The following CTBP2 variants were observed in gnomAD, a reference collection of about 807,000 sequenced individuals.
CTBP2 encodes the protein C-terminal-binding protein 2.
CTBP2 carries 30 observed loss-of-function variants against 80.3 expected under a neutral mutation model. That is an observed-to-expected ratio of 0.37 (90% CI 0.28 to 0.51). CTBP2 has a LOEUF of 0.51. CTBP2 is among the 20% of genes least tolerant of loss of function. The probability of loss-of-function intolerance (pLI) is 0.93; values close to 1 mark genes in which losing one functional copy is unlikely to be tolerated. For synonymous variants in CTBP2, 594 were observed against 587.4 expected (o/e 1.01, Z -0.16); for missense variants, 1,212 against 1,375.3 (o/e 0.88, Z 1.88).
chr10:125,098,681 AG>A (rs1564913782), intron 2 of CTBP2, among the ~76,000 whole-genome samples: 21 of 134,688 alleles, frequency 1.6e-4, no homozygotes, highest in African/African-American at 5.6e-4. Flanking sequence ...AGAGAGAGAG[AG>A]AGAGAGAGAG....
chr10:125,088,544 T>C (rs1487920393), intron 2 of CTBP2, among the ~76,000 whole-genome samples: 3 of 152,166 alleles, frequency 2.0e-5, no homozygotes, highest in Non-Finnish European at 4.4e-5. Flanking sequence ...ATGCCATTTA[T>C]CAATCAATGC....
chr10:125,078,989 A>AC (rs1846739054), intron 2 of CTBP2, among the ~76,000 whole-genome samples: 1 of 151,014 alleles, frequency 6.6e-6, no homozygotes, highest in Non-Finnish European at 1.5e-5. Context: ...AAATACAAAA[A>AC]AAAAAAAACG....
At chr10:125,086,667 G>A (rs10794197) in intron 2 of CTBP2, among the ~76,000 whole-genome samples, 31,133 of 149,230 alleles carry the variant, frequency 0.21, 3,453 homozygotes, top group South Asian at 0.3. Context: ...TCCACATAGC[G>A]AGAGAGTACC....
At position 125,002,945 on chromosome 10, in the gene CTBP2, C is replaced by T; in HGVS notation, c.1978+15G>A. The T allele has an allele frequency of 6.2e-7, 1 of 1,611,672 alleles. No homozygotes were observed. Among genetic ancestry groups the T allele is most frequent in the Non-Finnish European group, 8.5e-7 (1 of 1,179,764 alleles). On this transcript the variant is annotated intron_variant, in intron 3 of 8. Transcript: ENST00000309035. ...TCCGGACAACTCCAGGCAGCCAGCGCTGCCTCGCACTCACCGAGCTCGCCG... is the reference window on the plus strand; with the variant it reads ...TCCGGACAACTCCAGGCAGCCAGCGTTGCCTCGCACTCACCGAGCTCGCCG...
intron 1 of CTBP2, among the ~76,000 whole-genome samples, chr10:125,149,903 C>T (rs1324174014): frequency 6.6e-6 from 1 of 152,226 alleles, no homozygotes; most frequent in African/African-American, 2.4e-5. Context: ...GAAAAGAAGG[C>T]TGTTCCCTTT....
At chr10:125,041,993 G>A (rs1959971468) in intron 2 of CTBP2, among the ~76,000 whole-genome samples, 1 of 151,390 alleles carries the variant, frequency 6.6e-6, no homozygotes, top group South Asian at 2.1e-4. Flanking sequence ...GGGGAGGGGG[G>A]TCACTCTGTT....
At chr10:125,132,351 C>T (rs924434720) in intron 1 of CTBP2, among the ~76,000 whole-genome samples, 2 of 152,016 alleles carry the variant, frequency 1.3e-5, no homozygotes, top group African/African-American at 4.8e-5. Context: ...TATGACACAA[C>T]TTGAGTCCAG....
intron 1 of CTBP2, among the ~76,000 whole-genome samples, chr10:125,151,283 C>T (rs533414858): frequency 1.1e-4 from 16 of 152,282 alleles, no homozygotes; most frequent in Middle Eastern, 3.4e-3. Flanking sequence ...CGGACAACCT[C>T]TAGTCACATG....
At chr10:125,115,313 C>T (rs991284542) in intron 1 of CTBP2, among the ~76,000 whole-genome samples, 4 of 152,266 alleles carry the variant, frequency 2.6e-5, no homozygotes, top group Middle Eastern at 3.4e-3. Flanking sequence ...CAGGAAGCAC[C>T]GTTCACGTTT....
chr10:125,146,780 T>G (rs1478055053), intron 1 of CTBP2, among the ~76,000 whole-genome samples: 2 of 151,852 alleles, frequency 1.3e-5, no homozygotes, highest in Admixed American at 1.3e-4. Flanking sequence ...ACTGGCTGGG[T>G]GGAGAAAAGA....
rs538320614 is a variant in CTBP2, at chr10:125,070,193, T to C, written c.-101-31038A>G. On this transcript the variant is annotated intron_variant, in intron 2 of 10. Transcript: ENST00000337195. ...GGTGAAACCCGGTCTCTACTAAAAA[T>C]ACAAAAAATTAGCCAGGTGTGGTGG... is the stretch of plus-strand genomic sequence containing the variant. Among the ~76,000 whole-genome samples, 18 of 151,932 alleles carry C rather than the reference T, an allele frequency of 1.2e-4. No individual in the cohort carries two copies. In the East Asian group the frequency reaches 3.1e-3, roughly 26 times the overall value.
At chr10:124,995,617 C>G (rs559645255) in intron 4 of CTBP2, among the ~76,000 whole-genome samples, 74 of 152,316 alleles carry the variant, frequency 4.9e-4, no homozygotes, top group Middle Eastern at 3.4e-3. Flanking sequence ...GCAGCTCCAT[C>G]TAACCGATGG....
rs1394585264 is a variant in CTBP2, at chr10:125,026,985, G to A, written c.775C>T (p.Pro259Ser). Residue 259 changes from proline (P) to serine (S), a missense_variant, in exon 1 of 9, where the codon CCT becomes TCT. Physicochemically the swap from Pro to Ser is moderately conservative, Grantham distance 74. Transcript: ENST00000309035. ...TTGGATGGGATGCTTTCCCGGGCAG[G>A]CCCGTAGCCACGATTCAGGGCCCCT... The A allele has an allele frequency of 1.2e-6, 2 of 1,613,872 alleles. No individual in the cohort carries two copies. The highest frequency in any genetic ancestry group is 1.1e-5 in the South Asian group (1 of 91,096).
intron 2 of CTBP2, among the ~76,000 whole-genome samples, chr10:125,088,532 G>A (rs925085524): frequency 6.6e-6 from 1 of 152,130 alleles, no homozygotes; most frequent in Non-Finnish European, 1.5e-5. Context: ...CAGCCTCAGA[G>A]CATGCCATTT....
In CTBP2 at chr10:124,984,442, A is replaced by G. The variant is rs1303316979; in HGVS notation, c.*5076T>C. ...AATTTCAGCTTGTACATAATTGACT[A>G]AGTAAACTTACCTTGTCATGTGTTT... On this transcript the variant is annotated 3_prime_UTR_variant, in exon 9 of 9. Transcript: ENST00000309035. 4.1e-6 allele frequency: 1 copy of G among 242,920 alleles called. No homozygotes were observed. Among genetic ancestry groups the G allele is most frequent in the Non-Finnish European group, 7.8e-6 (1 of 127,482 alleles). The allele number at this position is 242,920 out of a possible 1,614,324, so 15.0% of individuals were successfully genotyped here. A position where few individuals can be genotyped will look rare whatever the true frequency, so the allele number is the denominator to read the frequency against.
intron 1 of CTBP2, among the ~76,000 whole-genome samples, chr10:125,025,630 A>G (rs1478666024): frequency 6.6e-6 from 1 of 152,170 alleles, no homozygotes; most frequent in Non-Finnish European, 1.5e-5. Context: ...ACGTTTCCAC[A>G]CGATCACGCC....
intron 2 of CTBP2, among the ~76,000 whole-genome samples, chr10:125,062,866 T>A (rs902706419): frequency 6.6e-6 from 1 of 152,066 alleles, no homozygotes; most frequent in South Asian, 2.1e-4. Context: ...CTCAAAAAAA[T>A]AAAATAAAAT....
chr10:125,027,396 T>C lies in CTBP2; in HGVS notation c.364A>G (p.Lys122Glu). The change falls in exon 1 of 9, where the codon AAA becomes GAA. Residue 122 changes from lysine to glutamate, a missense_variant. Around this residue, in one of 3 missense-constraint regions of CTBP2, gnomAD observed 848 missense variants for 782.3 expected, o/e 1.08. Coordinates refer to ENST00000309035, the MANE Select transcript of CTBP2 (RefSeq NM_022802.3). ...GGGTCCCGATAGAGGGGAGGCTCTT[T>C]GGGTACCCTAGCAGCTCCAGACGGA... 6.2e-7 allele frequency: 1 copy of C among 1,613,740 alleles called. No individual in the cohort carries two copies. Among genetic ancestry groups the C allele is most frequent in the Admixed American group, 1.7e-5 (1 of 60,010 alleles).
intron 1 of CTBP2, among the ~76,000 whole-genome samples, chr10:125,006,486 C>G (rs2134329800): frequency 6.6e-6 from 1 of 152,304 alleles, no homozygotes. Flanking sequence ...AAACTGTCCA[C>G]CCACACACCA....
Sources: allele counts gnomAD v4.1 joint callset (sites outside exome capture counted in the v4.1 genomes callset), GRCh38; gene constraint gnomAD v4.1.1; regional missense constraint gnomAD v4.1.1; transcripts MANE v1.5; gene names NCBI Gene and HGNC (gene_info 2026-07-23, HGNC 2026-07-21).